The following SHQ1 variants were observed in gnomAD, a reference collection of about 807,000 sequenced individuals.
SHQ1 encodes the protein protein SHQ1 homolog.
SHQ1 carries 49 observed loss-of-function variants against 53.8 expected under a neutral mutation model. That is an observed-to-expected ratio of 0.91 (90% CI 0.72 to 1.16). The LOEUF is 1.16. Ranked by LOEUF, SHQ1 falls within the 50% of genes most tolerant of loss-of-function variation. SHQ1 has a pLI of 0.00. For missense variants in SHQ1, 738 were observed against 683.1 expected (o/e 1.08, Z -0.90); for synonymous variants, 243 against 251.0 (o/e 0.97, Z 0.30).
chr3:72,751,521 TATATATATACATATAC>T, intron 10 of SHQ1, among the ~76,000 whole-genome samples: 1 of 141,290 alleles, frequency 7.1e-6, no homozygotes, highest in African/African-American at 2.9e-5. Context: ...TATATATATA[TATATATATACATATAC>T]ATACACTAAT....
chr3:72,736,877 C>T, the SHQ1 span, among the ~76,000 whole-genome samples: 1 of 151,598 alleles, frequency 6.6e-6, no homozygotes, highest in African/African-American at 2.4e-5. Context: ...GGCCTCAGTG[C>T]CCTGGTTTGC....
At chr3:72,812,019 T>C (rs942690068) in intron 9 of SHQ1, among the ~76,000 whole-genome samples, 3 of 152,224 alleles carry the variant, frequency 2.0e-5, no homozygotes, top group Non-Finnish European at 4.4e-5. Flanking sequence ...TATATACTTA[T>C]TCTAATGATG....
intron 10 of SHQ1, among the ~76,000 whole-genome samples, chr3:72,776,311 C>T (rs1705957342): frequency 6.6e-6 from 1 of 152,140 alleles, no homozygotes; most frequent in South Asian, 2.1e-4. Context: ...TGTACCTTTT[C>T]CATATTTAGA....
At chr3:72,801,381 T>C (rs900705018) in intron 9 of SHQ1, among the ~76,000 whole-genome samples, 9 of 152,190 alleles carry the variant, frequency 5.9e-5, no homozygotes, top group Non-Finnish European at 1.2e-4. Context: ...ACTTCATTTT[T>C]TTCCAACAGA....
chr3:72,789,611 T>A (rs550181183), intron 10 of SHQ1, among the ~76,000 whole-genome samples: 3 of 152,322 alleles, frequency 2.0e-5, no homozygotes, highest in African/African-American at 7.2e-5. Flanking sequence ...AAAACAAAAA[T>A]GAAAAACGTT....
chr3:72,830,279 C>T (rs1169667680), intron 5 of SHQ1, among the ~76,000 whole-genome samples: 1 of 151,988 alleles, frequency 6.6e-6, no homozygotes, highest in Non-Finnish European at 1.5e-5. Context: ...ATTCATTTTC[C>T]TAAAGCCCCC....
At position 72,842,370 on chromosome 3, in the gene SHQ1, G is replaced by A. The variant is rs765405153; in HGVS notation, c.241C>T (p.Pro81Ser). The A allele has an allele frequency of 6.2e-7, 1 of 1,613,412 alleles. No homozygotes were observed. Among genetic ancestry groups the A allele is most frequent in the Non-Finnish European group, 8.5e-7 (1 of 1,179,612 alleles). The change falls in exon 3 of 11, where the codon CCT becomes TCT. Residue 81 changes from proline (P) to serine (S), a missense_variant. Transcript: ENST00000325599. Reference protein sequence around the residue: ...IFTIRLPKETPGQHFEGLNML... With the variant: ...IFTIRLPKETSGQHFEGLNML... Reference sequence around the variant, plus strand: ...TTCAGCCCCTCAAAATGCTGGCCAGGGGTTTCTTTGGGCAGGCGAATGGTA... The same window carrying A: ...TTCAGCCCCTCAAAATGCTGGCCAGAGGTTTCTTTGGGCAGGCGAATGGTA...
chr3:72,815,429 A>G (rs1707282892), intron 7 of SHQ1, 26 bp from the exon 8 acceptor site: 2 of 1,588,670 alleles, frequency 1.3e-6, no homozygotes, highest in Non-Finnish European at 1.7e-6. Context: ...AGAAAAGAAT[A>G]CCATCACATT....
chr3:72,732,388 G>GCCTGCCTGCCTTCCTTCCTT, the SHQ1 span, among the ~76,000 whole-genome samples: 6 of 58,178 alleles, frequency 1.0e-4, no homozygotes, highest in East Asian at 1.1e-3. Context: ...CTGCCTGCCT[G>GCCTGCCTGCCTTCCTTCCTT]CCTTCCTTCC....
rs1423949923 is a variant in SHQ1, at chr3:72,832,305, C to T, written c.599+64G>A. On this transcript the variant is annotated intron_variant, in intron 5 of 10. Coordinates refer to ENST00000325599, the MANE Select transcript of SHQ1 (RefSeq NM_018130.3). ...CACATCCCTAGCAGAGTTTAAAAGA[C>T]ACTCAAAAATTTTAAAATAAATGTC... 3.4e-6 allele frequency: 4 copies of T among 1,193,226 alleles called. No homozygotes were observed. The South Asian group carries it at 5.0e-5, about 15-fold the overall frequency. The allele number at this position is 1,193,226 out of a possible 1,614,324, so 73.9% of individuals were successfully genotyped here.
chr3:72,831,791 G>C (rs567450653), intron 5 of SHQ1, among the ~76,000 whole-genome samples: 1 of 152,308 alleles, frequency 6.6e-6, no homozygotes, highest in African/African-American at 2.4e-5. Context: ...ATTTAAGCCT[G>C]ATGGAGATAC....
intron 4 of SHQ1, among the ~76,000 whole-genome samples, chr3:72,835,492 T>C (rs148725888): frequency 7.2e-5 from 11 of 152,312 alleles, no homozygotes; most frequent in African/African-American, 2.6e-4. Context: ...TTCTGCTTCA[T>C]TATTTCACCT....
chr3:72,737,134 C>T, the SHQ1 span, among the ~76,000 whole-genome samples: 3 of 151,740 alleles, frequency 2.0e-5, no homozygotes, highest in South Asian at 4.2e-4. Context: ...AAATATTAGC[C>T]GGGTGTGCTG....
the SHQ1 span, among the ~76,000 whole-genome samples, chr3:72,734,945 C>T: frequency 1.3e-5 from 2 of 151,552 alleles, no homozygotes; most frequent in African/African-American, 4.9e-5. Context: ...AGGAGCTGCC[C>T]AGTATGGCTG....
At chr3:72,809,545 GAAGTA>G (rs1707055705) in intron 9 of SHQ1, 2 of 152,044 alleles carry the variant, frequency 1.3e-5, no homozygotes, top group African/African-American at 4.8e-5. Context: ...CCTTCTAATG[GAAGTA>G]AAGTAAGGAA....
At chr3:72,796,396 A>G (rs934702288) in intron 9 of SHQ1, among the ~76,000 whole-genome samples, 2 of 152,204 alleles carry the variant, frequency 1.3e-5, no homozygotes, top group African/African-American at 2.4e-5. Context: ...AGCAGCCATT[A>G]CCTGATAAAA....
intron 3 of SHQ1, 84 bp from the exon 4 acceptor site, chr3:72,841,283 C>A: frequency 3.9e-6 from 4 of 1,019,268 alleles, no homozygotes; most frequent in South Asian, 3.8e-5. Context: ...AAAATGCCCA[C>A]AAAGATGTAC....
the SHQ1 span, among the ~76,000 whole-genome samples, chr3:72,728,689 G>A: frequency 6.6e-6 from 1 of 152,212 alleles, no homozygotes; most frequent in African/African-American, 2.4e-5. Flanking sequence ...CCTGTCTGGA[G>A]CTTCCATTGC....
chr3:72,797,433 AT>A (rs1440317595), intron 9 of SHQ1, among the ~76,000 whole-genome samples: 1 of 152,082 alleles, frequency 6.6e-6, no homozygotes, highest in Non-Finnish European at 1.5e-5. Flanking sequence ...ACTTTCCTCT[AT>A]TTTCAAAATT....
Sources: allele counts gnomAD v4.1 joint callset (sites outside exome capture counted in the v4.1 genomes callset), GRCh38; gene constraint gnomAD v4.1.1; transcripts MANE v1.5; gene names NCBI Gene and HGNC (gene_info 2026-07-23, HGNC 2026-07-21).